Variants in ADGRA3 observed in about 807,000 individuals in gnomAD.
ADGRA3 encodes the protein G-protein coupled receptor 125.
In ADGRA3, 56 loss-of-function variants were observed where a neutral mutation model predicts 119.8. The ratio of observed to expected loss-of-function variants is 0.47; its 90% confidence interval spans 0.38 to 0.58. The LOEUF (loss-of-function observed/expected upper bound fraction) is 0.58, where lower values mean the gene tolerates loss of function less well. ADGRA3 is among the 20% of genes least tolerant of loss of function. ADGRA3 has a pLI of 0.00. For synonymous variants in ADGRA3, 607 were observed against 623.8 expected (o/e 0.97, Z 0.40); for missense variants, 1,516 against 1,649.0 (o/e 0.92, Z 1.40).
At chr4:22,447,970 A>C (rs1716889190) in intron 4 of ADGRA3, among the ~76,000 whole-genome samples, 3 of 152,188 alleles carry the variant, frequency 2.0e-5, no homozygotes, top group Admixed American at 2.0e-4. Flanking sequence ...GACTGAAAAT[A>C]TGAGGGGAGC....
chr4:22,450,932 AACAG>A (rs1186734133), intron 4 of ADGRA3, among the ~76,000 whole-genome samples: 1 of 32,308 alleles, frequency 3.1e-5, no homozygotes, highest in Admixed American at 5.0e-4. Flanking sequence ...TTCTGGATAT[AACAG>A]AAAAAAAAAA....
At chr4:22,419,394 G>A (rs538163212) in intron 12 of ADGRA3, among the ~76,000 whole-genome samples, 14 of 152,224 alleles carry the variant, frequency 9.2e-5, no homozygotes, top group African/African-American at 2.6e-4. Flanking sequence ...TCTGTCACGA[G>A]GGATATGTTC....
Position 22,387,734 on chromosome 4 carries a change from C to A in ADGRA3, c.3937G>T (p.Gly1313Ter), listed in dbSNP as rs1713897459. 1 of 1,611,098 alleles carries A rather than the reference C, an allele frequency of 6.2e-7. No homozygotes were observed. Among genetic ancestry groups the A allele is most frequent in the Non-Finnish European group, 8.5e-7 (1 of 1,178,230 alleles). ...ACAGTAGTTTCGTGTTTCCATAATC[C>A]AGTCCTAACATTGCCAGTGCTATCG... ...GTDSTGNVRT[G>*]LWKHETTV Residue 1313 changes from glycine (G) to a stop codon, truncating the protein, a stop_gained, in exon 19 of 19, where the codon GGA (glycine) becomes TGA (stop). Transcript: ENST00000334304. LOFTEE classifies it high-confidence loss of function.
intron 1 of ADGRA3, among the ~76,000 whole-genome samples, chr4:22,494,032 G>A (rs916338486): frequency 2.6e-5 from 4 of 151,836 alleles, no homozygotes; most frequent in African/African-American, 4.8e-5. Flanking sequence ...GTGAAACCCC[G>A]TCTCTACTAA....
intron 14 of ADGRA3, among the ~76,000 whole-genome samples, chr4:22,408,080 T>C (rs1715025291): frequency 6.6e-6 from 1 of 152,112 alleles, no homozygotes; most frequent in South Asian, 2.1e-4. Flanking sequence ...ATGTTGCTTT[T>C]TCCCCACTAA....
intron 14 of ADGRA3, among the ~76,000 whole-genome samples, chr4:22,404,143 T>TA (rs1230317159): frequency 6.6e-6 from 1 of 152,138 alleles, no homozygotes; most frequent in Non-Finnish European, 1.5e-5. Context: ...CACTGACTCT[T>TA]ATAGCTAAAA....
intron 1 of ADGRA3, among the ~76,000 whole-genome samples, chr4:22,510,400 A>C (rs1157484531): frequency 6.6e-6 from 1 of 151,870 alleles, no homozygotes; most frequent in African/African-American, 2.4e-5. Context: ...TTGACACATA[A>C]ACTTCTCTTA....
At chr4:22,410,709 A>T (rs1041715208) in intron 14 of ADGRA3, among the ~76,000 whole-genome samples, 1 of 152,136 alleles carries the variant, frequency 6.6e-6, no homozygotes, top group Non-Finnish European at 1.5e-5. Context: ...AATCCTAAAC[A>T]TAACTTTACC....
rs182226886 is a variant in ADGRA3, at chr4:22,453,912, C to T, written c.473+954G>A. ...GTCACCCACAGCTGGAGTGCAGTGG[C>T]GTAATCTTGGCTCACTGCAACCTCT... On this transcript the variant is annotated intron_variant, in intron 4 of 18. Coordinates refer to ENST00000334304, the MANE Select transcript of ADGRA3 (RefSeq NM_145290.4). Among the ~76,000 whole-genome samples, 1,142 of 151,962 alleles carry T rather than the reference C, an allele frequency of 7.5e-3. 15 individuals are homozygous for T. The highest frequency in any genetic ancestry group is 0.026 in the African/African-American group (1,067 of 41,426).
At chr4:22,435,006 A>G (rs1716337387) in intron 10 of ADGRA3, among the ~76,000 whole-genome samples, 1 of 152,164 alleles carries the variant, frequency 6.6e-6, no homozygotes, top group South Asian at 2.1e-4. Context: ...AGGCTGAGCT[A>G]AGCAGCTCTG....
At chr4:22,394,335 C>G (rs1445626433) in intron 16 of ADGRA3, 2 of 152,190 alleles carry the variant, frequency 1.3e-5, no homozygotes, top group African/African-American at 4.8e-5. Flanking sequence ...CTTGCAGTGG[C>G]TCTGAGGTGC....
chr4:22,424,260 A>G lies in ADGRA3; in HGVS notation c.1536T>C (p.Ser512=), dbSNP rs927971816. 1 of 1,613,550 alleles carries G rather than the reference A, an allele frequency of 6.2e-7. No individual in the cohort carries two copies. Among genetic ancestry groups the G allele is most frequent in the African/African-American group, 1.3e-5 (1 of 74,912 alleles). ...WLAQREAKAC[S]RIVQCLQRIA... The stretch of plus-strand genomic sequence containing the variant: ...TGCGCTGAAGACACTGCACAATCCT[A>G]CTGCAGGCTTTAGCTTCCCTCTGCG... Residue 512 remains serine (S), a synonymous_variant, in exon 11 of 19, where the codon AGT becomes AGC. Coordinates refer to ENST00000334304, the MANE Select transcript of ADGRA3 (RefSeq NM_145290.4).
chr4:22,500,503 G>A (rs758315940), intron 1 of ADGRA3, among the ~76,000 whole-genome samples: 6 of 116,652 alleles, frequency 5.1e-5, no homozygotes, highest in Non-Finnish European at 1.1e-4. Context: ...CTTGCAACAC[G>A]GTTCTGAAAG....
At chr4:22,418,505 C>A (rs1164201726) in intron 12 of ADGRA3, among the ~76,000 whole-genome samples, 1 of 152,078 alleles carries the variant, frequency 6.6e-6, no homozygotes, top group Non-Finnish European at 1.5e-5. Context: ...AGAATTAGCA[C>A]AAGCCTGCTT....
chr4:22,482,305 G>A (rs1194802764), intron 1 of ADGRA3, among the ~76,000 whole-genome samples: 2 of 152,018 alleles, frequency 1.3e-5, no homozygotes, highest in East Asian at 3.9e-4. Flanking sequence ...GAACATAATG[G>A]TGAATATCTG....
intron 5 of ADGRA3, among the ~76,000 whole-genome samples, chr4:22,446,808 A>C (rs1716848696): frequency 6.6e-6 from 1 of 152,214 alleles, no homozygotes. Context: ...AATTCCAATA[A>C]GCTTAGGATA....
At chr4:22,392,814 ACT>A in intron 16 of ADGRA3, 124 bp from the exon 17 acceptor site, 1 of 780,252 alleles carries the variant, frequency 1.3e-6, no homozygotes, top group Non-Finnish European at 2.0e-6. Context: ...CTAATAATCA[ACT>A]CTGTTGCCTG....
At chr4:22,417,103 A>G (rs1252635601) in intron 12 of ADGRA3, among the ~76,000 whole-genome samples, 1 of 152,224 alleles carries the variant, frequency 6.6e-6, no homozygotes, top group African/African-American at 2.4e-5. Flanking sequence ...GACAGATGCT[A>G]TAATATCTCC....
intron 9 of ADGRA3, among the ~76,000 whole-genome samples, chr4:22,435,685 A>G (rs1242695748): frequency 6.6e-6 from 1 of 152,200 alleles, no homozygotes; most frequent in Non-Finnish European, 1.5e-5. Context: ...GTGAAATACA[A>G]TAATACATAA....
Sources: gnomAD v4.1 joint callset for allele counts (sites outside exome capture counted in the v4.1 genomes callset) on GRCh38, gnomAD v4.1.1 for gene constraint, MANE v1.5 for transcripts, NCBI Gene and HGNC (gene_info 2026-07-23, HGNC 2026-07-21) for gene names.